TRIO: variants seen among roughly 807,000 people sequenced by gnomAD.
The protein encoded by TRIO is trio Rho guanine nucleotide exchange factor.
Under a neutral mutation model 351.9 loss-of-function variants are expected in TRIO, and 58 were observed. That is an observed-to-expected ratio of 0.16 (90% CI 0.13 to 0.21). The LOEUF (loss-of-function observed/expected upper bound fraction) is 0.21, where lower values mean the gene tolerates loss of function less well. TRIO is among the 10% of genes least tolerant of loss of function. The pLI is 1.00. For missense variants in TRIO, 3,201 were observed against 4,027.8 expected, an observed-to-expected ratio of 0.79 and a Z score of 5.56; for synonymous variants, 1,758 against 1,595.7, an observed-to-expected ratio of 1.10 and a Z score of -2.42.
intron 1 of TRIO, among the ~76,000 whole-genome samples, chr5:14,219,981 T>G (rs1792492325): frequency 6.6e-6 from 1 of 151,782 alleles, no homozygotes; most frequent in Non-Finnish European, 1.5e-5. Context: ...GGCATTTTTT[T>G]TTTTTTTTGC....
Position 14,291,316 on chromosome 5 carries a change from A to T in TRIO, c.1053+88A>T, listed in dbSNP as rs543730625. 2.1e-6 allele frequency: 3 copies of T among 1,402,334 alleles called. No homozygotes were observed. In the East Asian group the frequency reaches 7.0e-5, roughly 33 times the overall value. The allele number at this position is 1,402,334 out of a possible 1,614,324, so 86.9% of individuals were successfully genotyped here. A position where few individuals can be genotyped will look rare whatever the true frequency, so the allele number is the denominator to read the frequency against. On this transcript the variant is annotated intron_variant, in intron 5 of 56. Transcript: ENST00000344204. ...GTGGAAGGAAAGAGAAAAGGTGGAG[A>T]ATGGTAAGGCTATACTCACCGTGTG...
chr5:14,332,572 TTAAAA>T (rs1362898682), intron 10 of TRIO, among the ~76,000 whole-genome samples: 1 of 152,220 alleles, frequency 6.6e-6, no homozygotes, highest in Non-Finnish European at 1.5e-5. Flanking sequence ...TTTTAATCTT[TTAAAA>T]TAAATTACTA....
At chr5:14,155,198 T>C (rs538789477) in intron 1 of TRIO, among the ~76,000 whole-genome samples, 1 of 152,316 alleles carries the variant, frequency 6.6e-6, no homozygotes, top group South Asian at 2.1e-4. Flanking sequence ...TCCCCAGTTG[T>C]AAGTATTTCA....
intron 7 of TRIO, among the ~76,000 whole-genome samples, chr5:14,303,761 G>C (rs6887831): frequency 6.6e-6 from 1 of 152,206 alleles, no homozygotes; most frequent in South Asian, 2.1e-4. Context: ...AGGGCTGTTC[G>C]CATGGCTCAG....
chr5:14,316,208 A>G (rs867481266), intron 8 of TRIO, among the ~76,000 whole-genome samples: 8 of 152,328 alleles, frequency 5.3e-5, no homozygotes, highest in Middle Eastern at 3.4e-3. Flanking sequence ...ATGCCTATTC[A>G]TTGAGTGGTA....
rs755124541 is a variant in TRIO, at chr5:14,488,271, C to T, written c.7632+11C>T. 7.1e-5 allele frequency: 110 copies of T among 1,545,258 alleles called. No individual in the cohort carries two copies. The highest frequency in any genetic ancestry group is 9.0e-5 in the Non-Finnish European group (104 of 1,150,946). On this transcript the variant is annotated intron_variant, in intron 48 of 56. Coordinates refer to ENST00000344204, the MANE Select transcript of TRIO (RefSeq NM_007118.4). The stretch of plus-strand genomic sequence containing the variant: ...ACCCAGAGCAACGGGGTAAGCGCGT[C>T]GGGGGGCCCGCGCCCTCCCGCCCCC...
At chr5:14,327,142 C>T (rs1740457298) in intron 9 of TRIO, among the ~76,000 whole-genome samples, 1 of 152,116 alleles carries the variant, frequency 6.6e-6, no homozygotes, top group Admixed American at 6.5e-5. Context: ...TACTTGGAAA[C>T]AAATTTCTTT....
intron 23 of TRIO, 179 bp downstream of exon 23, chr5:14,388,026 G>A: frequency 5.1e-6 from 3 of 594,008 alleles, no homozygotes; most frequent in Non-Finnish European, 8.9e-6. Flanking sequence ...CTTATCACCT[G>A]GTTCAGAAAC....
intron 38 of TRIO, 111 bp downstream of exon 38, chr5:14,471,577 A>T: frequency 7.0e-7 from 1 of 1,427,176 alleles, no homozygotes; most frequent in Non-Finnish European, 9.5e-7. Flanking sequence ...GAGAAGCTCC[A>T]GGGCCTCTCA....
intron 34 of TRIO, among the ~76,000 whole-genome samples, chr5:14,438,247 T>C (rs1050381788): frequency 4.6e-5 from 7 of 152,214 alleles, no homozygotes; most frequent in African/African-American, 1.7e-4. Context: ...GCACTAAACC[T>C]GTCTCACTGT....
intron 13 of TRIO, 95 bp downstream of exon 13, chr5:14,359,626 T>A: frequency 7.0e-7 from 1 of 1,422,612 alleles, no homozygotes; most frequent in Non-Finnish European, 9.6e-7. Flanking sequence ...GCTGAGGTCC[T>A]GTGTCCTCAC....
At chr5:14,309,959 C>T (rs971828672) in intron 8 of TRIO, among the ~76,000 whole-genome samples, 1 of 152,018 alleles carries the variant, frequency 6.6e-6, no homozygotes, top group East Asian at 1.9e-4. Flanking sequence ...GAAACTTTCC[C>T]AGCATTTTTC....
intron 14 of TRIO, 22 bp downstream of exon 14, chr5:14,363,949 G>GC: frequency 6.3e-7 from 1 of 1,590,624 alleles, no homozygotes; most frequent in South Asian, 1.1e-5. Context: ...CACTCCATCT[G>GC]TGTCCGTTGT....
chr5:14,409,044 A>C (rs888113691), intron 33 of TRIO, among the ~76,000 whole-genome samples: 2 of 152,074 alleles, frequency 1.3e-5, no homozygotes, highest in African/African-American at 4.8e-5. Flanking sequence ...CCCTCTATCC[A>C]GGAAGGGGCT....
In TRIO at chr5:14,395,347, T is replaced by G. The variant is rs1180797311; in HGVS notation, c.4311+1217T>G. ...GTTCATATTCAAATTTGTCCTTTGC[T>G]TTCTAATTCTACAAAGGCAGTTTAC... On this transcript the variant is annotated intron_variant, in intron 28 of 56. Transcript: ENST00000344204. 3.3e-5 allele frequency among the ~76,000 whole-genome samples: 5 copies of G among 152,254 alleles called. No homozygotes were observed. The East Asian group carries it at 7.7e-4, about 23-fold the overall frequency.
At chr5:14,339,283 T>C (rs1455415360) in intron 11 of TRIO, among the ~76,000 whole-genome samples, 2 of 152,218 alleles carry the variant, frequency 1.3e-5, no homozygotes, top group Non-Finnish European at 2.9e-5. Context: ...TTGGGCTCAT[T>C]GGCTTTTGTA....
At chr5:14,177,742 G>A (rs530225566) in intron 1 of TRIO, among the ~76,000 whole-genome samples, 67 of 152,252 alleles carry the variant, frequency 4.4e-4, no homozygotes, top group African/African-American at 1.6e-3. Flanking sequence ...CCTGGGCTTG[G>A]GTGCCTAGGA....
chr5:14,270,449 C>G (rs1159080952), intron 1 of TRIO, among the ~76,000 whole-genome samples: 1 of 152,152 alleles, frequency 6.6e-6, no homozygotes, highest in East Asian at 1.9e-4. Context: ...TTTTATAAAG[C>G]AGTGTTGCTG....
At chr5:14,498,012 A>G (rs1757010623) in intron 51 of TRIO, 77 bp from the exon 52 acceptor site, 15 of 1,611,346 alleles carry the variant, frequency 9.3e-6, no homozygotes, top group Non-Finnish European at 1.3e-5. Flanking sequence ...GGTCCTATCA[A>G]TCTGTCGGGG....
Sources: allele counts gnomAD v4.1 joint callset (sites outside exome capture counted in the v4.1 genomes callset), GRCh38; gene constraint gnomAD v4.1.1; transcripts MANE v1.5; gene names NCBI Gene and HGNC (gene_info 2026-07-23, HGNC 2026-07-21).